The following SNPH variants were observed in gnomAD, a reference collection of about 807,000 sequenced individuals.
The protein encoded by SNPH is syntaphilin.
In SNPH, 10 loss-of-function variants were observed where a neutral mutation model predicts 36.8. The ratio of observed to expected loss-of-function variants is 0.27; its 90% CI spans 0.17 to 0.46. SNPH has a LOEUF of 0.46. Among genes scored for constraint, SNPH ranks in the 20% least tolerant of loss-of-function variants. SNPH has a pLI of 1.00. For missense variants in SNPH, 622 were observed against 744.0 expected, an observed-to-expected ratio of 0.84 and a Z score of 1.91; for synonymous variants, 281 against 312.2, an observed-to-expected ratio of 0.90 and a Z score of 1.05.
chr20:1,306,152 A>G lies in SNPH; in HGVS notation c.*98A>G, dbSNP rs561592656. The stretch of plus-strand genomic sequence containing the variant: ...CCCATGGGCATCATCTTATTTATTT[A>G]GTTTTGGGTGTGGAACTGTTTCTTT... On this transcript the variant is annotated 3_prime_UTR_variant, in exon 7 of 7. Transcript: ENST00000381867. 66 of 1,045,034 alleles carry G rather than the reference A, an allele frequency of 6.3e-5. No individual in the cohort carries two copies. The African/African-American group carries it at 1.0e-3, about 16-fold the overall frequency. 64.7% of individuals were successfully genotyped at this position (1,045,034 alleles called of 1,614,324 possible).
At position 1,297,104 on chromosome 20, in the gene SNPH, G is replaced by A. The variant is rs1033782210; in HGVS notation, c.183-41G>A. 5.7e-6 allele frequency: 9 copies of A among 1,579,692 alleles called. No homozygotes were observed. The South Asian group carries it at 5.8e-5, about 10-fold the overall frequency. On this transcript the variant is annotated intron_variant, in intron 4 of 6. Coordinates refer to ENST00000381867, the MANE Select transcript of SNPH (RefSeq NM_001318234.2). ...GTTCGCCCAGTGTCCGCAGCTGCCCGCCAGCCAGAACGAGCACCTGCCTCT... is the reference window on the plus strand; with the variant it reads ...GTTCGCCCAGTGTCCGCAGCTGCCCACCAGCCAGAACGAGCACCTGCCTCT...
At chr20:1,299,698 G>C (rs916876270) in intron 5 of SNPH, among the ~76,000 whole-genome samples, 1 of 152,228 alleles carries the variant, frequency 6.6e-6, no homozygotes. Context: ...AGGTGTTCAC[G>C]TGTGTGCTCC....
At chr20:1,293,718 G>C (rs544842493) in intron 2 of SNPH, among the ~76,000 whole-genome samples, 1 of 152,154 alleles carries the variant, frequency 6.6e-6, no homozygotes, top group Non-Finnish European at 1.5e-5. Context: ...ATGAATACCT[G>C]GCTCTGGGTG....
At chr20:1,284,689 C>T (rs2088263659) in intron 2 of SNPH, among the ~76,000 whole-genome samples, 1 of 151,866 alleles carries the variant, frequency 6.6e-6, no homozygotes, top group Non-Finnish European at 1.5e-5. Flanking sequence ...GCAGAAGGAA[C>T]AGCATGTGCA....
At chr20:1,298,434 G>A (rs961450240) in intron 5 of SNPH, among the ~76,000 whole-genome samples, 2 of 152,194 alleles carry the variant, frequency 1.3e-5, no homozygotes, top group South Asian at 2.1e-4. Flanking sequence ...GATTTCTATC[G>A]TGACACACAT....
intron 3 of SNPH, 122 bp downstream of exon 3, chr20:1,295,100 G>A (rs1600259142): frequency 1.3e-5 from 2 of 152,760 alleles, no homozygotes; most frequent in African/African-American, 4.8e-5. Context: ...CCAGGCTGCT[G>A]TCCTCAGTCC....
At position 1,308,025 on chromosome 20, in the gene SNPH, G is replaced by A. The variant is rs937083339; in HGVS notation, c.*1971G>A. 2.0e-5 allele frequency: 3 copies of A among 152,700 alleles called. No homozygotes were observed. The highest frequency in any genetic ancestry group is 2.9e-5 in the Non-Finnish European group (2 of 68,092). 9.5% of individuals were successfully genotyped at this position (152,700 alleles called of 1,614,324 possible). On this transcript the variant is annotated 3_prime_UTR_variant, in exon 7 of 7. Coordinates refer to ENST00000381867, the MANE Select transcript of SNPH (RefSeq NM_001318234.2). The stretch of plus-strand genomic sequence containing the variant: ...TCAAAGCTTTGCCGAGAAAAGAAAT[G>A]TATGAACTATATTTGACAACATAAA...
chr20:1,268,284 C>T (rs550158673), intron 2 of SNPH, among the ~76,000 whole-genome samples: 1 of 152,178 alleles, frequency 6.6e-6, no homozygotes, highest in Non-Finnish European at 1.5e-5. Flanking sequence ...TCTGAGGGAA[C>T]AGAAGCAGCA....
At chr20:1,288,519 C>T (rs375359073) in intron 2 of SNPH, among the ~76,000 whole-genome samples, 9 of 152,258 alleles carry the variant, frequency 5.9e-5, no homozygotes, top group African/African-American at 1.9e-4. Flanking sequence ...AAGAGCAGTG[C>T]TCCTCATGGA....
At chr20:1,297,349 C>A in intron 5 of SNPH, 97 bp downstream of exon 5, 1 of 1,123,782 alleles carries the variant, frequency 8.9e-7, no homozygotes, top group Non-Finnish European at 1.3e-6. Context: ...TTCTAACCAC[C>A]CCTGACGCCA....
rs2088010525 is a variant in SNPH at position 1,266,741 on chromosome 20, C to A, written c.-512C>A. On this transcript the variant is annotated 5_prime_UTR_variant, in exon 2 of 7. Coordinates refer to ENST00000381867, the MANE Select transcript of SNPH (RefSeq NM_001318234.2). This position sits in a 1 kb window ranked among gnomAD's most constrained non-coding sequence, Gnocchi z 6.0. Reference sequence around the variant, plus strand: ...GGAGTGGTGCGAGCCGGCGGGGCTGCGGAGGGCCAGTGGACTCAGGTGAGG... The same window carrying A: ...GGAGTGGTGCGAGCCGGCGGGGCTGAGGAGGGCCAGTGGACTCAGGTGAGG... 2 of 1,396,652 alleles carry A rather than the reference C, an allele frequency of 1.4e-6. No individual in the cohort carries two copies. The highest frequency in any genetic ancestry group is 6.1e-5 in the East Asian group (2 of 32,616). The allele number at this position is 1,396,652 out of a possible 1,614,324, so 86.5% of individuals were successfully genotyped here.
rs1056489998 is a variant in SNPH, at chr20:1,305,563, G to A, written c.1126G>A (p.Val376Met). 3.1e-6 allele frequency: 5 copies of A among 1,613,468 alleles called. No individual in the cohort carries two copies. Among genetic ancestry groups the A allele is most frequent in the Non-Finnish European group, 3.4e-6 (4 of 1,180,038 alleles). ...TGACCTTGACACCATCCTGGAGAAA[G>A]TGACCCAGGCCCAGGTCTGTGGGAC... ...QPDLDTILEK[V>M]TQAQVCGTDP... Residue 376 changes from valine to methionine, a missense_variant, in exon 7 of 7, where the codon GTG (valine) becomes ATG (methionine). Val to Met is a conservative substitution (Grantham distance 21). Around this residue, in one of 3 missense-constraint regions of SNPH, gnomAD observed 379 missense variants for 427.9 expected, o/e 0.89. Coordinates refer to ENST00000381867, the MANE Select transcript of SNPH (RefSeq NM_001318234.2).
At chr20:1,291,679 A>G (rs941451337) in intron 2 of SNPH, among the ~76,000 whole-genome samples, 6 of 152,192 alleles carry the variant, frequency 3.9e-5, no homozygotes, top group African/African-American at 1.4e-4. Flanking sequence ...TCTGCTTTCC[A>G]CAGCTGTCAG....
Position 1,305,502 on chromosome 20 carries a change from G to A in SNPH, c.1065G>A (p.Glu355=). Residue 355 remains glutamate, a synonymous_variant, in exon 7 of 7, where the codon GAG becomes GAA. Transcript: ENST00000381867. ...EAGVQASCMQ[E]RAIQTDFVQY... The stretch of plus-strand genomic sequence containing the variant: ...GTGTGCAGGCCAGCTGCATGCAGGA[G>A]CGTGCCATCCAGACAGACTTCGTGC... 2 of 1,613,260 alleles carry A rather than the reference G, an allele frequency of 1.2e-6. No individual in the cohort carries two copies. Among genetic ancestry groups the A allele is most frequent in the Non-Finnish European group, 1.7e-6 (2 of 1,180,016 alleles).
At chr20:1,293,254 G>A (rs2088386444) in intron 2 of SNPH, among the ~76,000 whole-genome samples, 1 of 152,230 alleles carries the variant, frequency 6.6e-6, no homozygotes. Flanking sequence ...GTTAGGAAGT[G>A]TTGAGCATTT....
At chr20:1,298,804 TTG>T (rs3038999) in intron 5 of SNPH, among the ~76,000 whole-genome samples, 9,161 of 141,074 alleles carry the variant, frequency 0.065, 320 homozygotes, top group Middle Eastern at 0.13. Context: ...TTTTTCTAAT[TTG>T]TGTGTGTGTG....
In SNPH at chr20:1,293,504, C is replaced by A. The variant is rs146001971; in HGVS notation, c.-492-1447C>A. On this transcript the variant is annotated intron_variant, in intron 2 of 6. Transcript: ENST00000381867. ...CCAGGCTAAGCAGGTGGCATGGTGA[C>A]AAACACCATGGCAACCTGCCTCCTT... Among the ~76,000 whole-genome samples, 304 of 152,292 alleles carry A rather than the reference C, an allele frequency of 2.0e-3. 3 individuals carry two copies. The highest frequency in any genetic ancestry group is 7.1e-3 in the African/African-American group (296 of 41,564).
At position 1,304,818 on chromosome 20, in the gene SNPH, T is replaced by A. The variant is rs981917640; in HGVS notation, c.441-60T>A. The A allele has an allele frequency of 3.3e-6, 5 of 1,527,694 alleles. No individual in the cohort carries two copies. The Admixed American group carries it at 6.9e-5, about 21-fold the overall frequency. The allele number at this position is 1,527,694 out of a possible 1,614,324, so 94.6% of individuals were successfully genotyped here. On this transcript the variant is annotated intron_variant, in intron 6 of 6. Coordinates refer to ENST00000381867, the MANE Select transcript of SNPH (RefSeq NM_001318234.2). The surrounding 1 kb of genome is among the most constrained non-coding windows in gnomAD (Gnocchi z 4.3). ...AACAGTGTCCTCTCCCTGCCTCTCC[T>A]TGGCGGTGACAGACCAGGCAGGCAG... is the stretch of plus-strand genomic sequence containing the variant.
At chr20:1,299,242 C>T (rs2088476700) in intron 5 of SNPH, among the ~76,000 whole-genome samples, 1 of 152,162 alleles carries the variant, frequency 6.6e-6, no homozygotes. Flanking sequence ...GCCTCCAGCT[C>T]GGCTGCTTCA....
Sources: allele counts gnomAD v4.1 joint callset (sites outside exome capture counted in the v4.1 genomes callset), GRCh38; gene constraint gnomAD v4.1.1; regional missense constraint gnomAD v4.1.1; non-coding constraint Gnocchi (gnomAD v3.1); transcripts MANE v1.5; gene names NCBI Gene and HGNC (gene_info 2026-07-23, HGNC 2026-07-21).